Variants in ZFHX3 observed in about 807,000 individuals in gnomAD.
ZFHX3 encodes the protein zinc finger homeobox protein 3.
A neutral mutation model predicts 279.1 loss-of-function variants in ZFHX3; 42 were observed. That is an observed-to-expected ratio of 0.15 (90% CI 0.12 to 0.19). ZFHX3 has a LOEUF of 0.19. Ranked by LOEUF, ZFHX3 falls within the 10% of genes least tolerant of loss-of-function variation. ZFHX3 has a pLI of 1.00. For synonymous variants in ZFHX3, 2,293 were observed against 1,957.8 expected (o/e 1.17, Z -4.52); for missense variants, 4,981 against 4,754.0 (o/e 1.05, Z -1.40).
At chr16:73,846,730 G>C (rs573611795) in intron 1 of ZFHX3, among the ~76,000 whole-genome samples, 2 of 152,132 alleles carry the variant, frequency 1.3e-5, no homozygotes, top group East Asian at 1.9e-4. Context: ...CATTCTCAGA[G>C]GCAAATCTTT....
intron 4 of ZFHX3, among the ~76,000 whole-genome samples, chr16:72,832,484 T>C (rs933315694): frequency 1.3e-5 from 2 of 152,178 alleles, no homozygotes; most frequent in African/African-American, 4.8e-5. Context: ...TTATTTTGCT[T>C]ATCTCTTTTT....
At chr16:73,053,300 A>C (rs1231519480) in intron 1 of ZFHX3, among the ~76,000 whole-genome samples, 1 of 152,202 alleles carries the variant, frequency 6.6e-6, no homozygotes, top group Admixed American at 6.5e-5. Flanking sequence ...AAAAGGCAGG[A>C]AACGGGGAGA....
intron 2 of ZFHX3, among the ~76,000 whole-genome samples, chr16:73,483,128 C>T (rs937248476): frequency 2.0e-5 from 3 of 152,104 alleles, no homozygotes; most frequent in African/African-American, 7.2e-5. Flanking sequence ...TGTGGATCAG[C>T]TTAGGGTCTG....
At chr16:73,377,539 A>G (rs1398253358) in intron 3 of ZFHX3, among the ~76,000 whole-genome samples, 4 of 152,210 alleles carry the variant, frequency 2.6e-5, no homozygotes, top group African/African-American at 9.6e-5. Flanking sequence ...GATGAGCACC[A>G]CTGTCTCTGC....
At chr16:73,479,595 C>T (rs1221658011) in intron 2 of ZFHX3, among the ~76,000 whole-genome samples, 3 of 152,202 alleles carry the variant, frequency 2.0e-5, no homozygotes, top group African/African-American at 7.2e-5. Context: ...ACGCCTGCCT[C>T]CTTCAACCTG....
chr16:73,392,259 A>C (rs1195244781), intron 3 of ZFHX3, among the ~76,000 whole-genome samples: 5 of 151,734 alleles, frequency 3.3e-5, no homozygotes, highest in Non-Finnish European at 5.9e-5. Flanking sequence ...ATCTCTACCC[A>C]AAAACACAAA....
intron 4 of ZFHX3, among the ~76,000 whole-genome samples, chr16:72,876,159 G>T (rs773152667): frequency 1.3e-5 from 2 of 152,092 alleles, no homozygotes; most frequent in South Asian, 2.1e-4. Context: ...CAGAGGTTTT[G>T]GCCTAAAGCA....
intron 5 of ZFHX3, among the ~76,000 whole-genome samples, chr16:72,815,405 C>CAAAA (rs369741126): frequency 1.1e-5 from 1 of 93,066 alleles, no homozygotes. Context: ...GAGACTGTCT[C>CAAAA]AAAAAAAAAA....
intron 1 of ZFHX3, among the ~76,000 whole-genome samples, chr16:73,035,667 C>T (rs142142380): frequency 0.034 from 5,233 of 152,336 alleles, 299 homozygotes; most frequent in African/African-American, 0.12. Context: ...AGGTGGATCA[C>T]TTGAGCTCAG....
At chr16:73,819,146 G>A (rs543642666) in intron 1 of ZFHX3, among the ~76,000 whole-genome samples, 3 of 152,142 alleles carry the variant, frequency 2.0e-5, no homozygotes, top group African/African-American at 4.8e-5. Context: ...AGCAATGTCT[G>A]AGATTCCCTT....
At chr16:73,494,721 G>A (rs1051941911) in intron 2 of ZFHX3, among the ~76,000 whole-genome samples, 22 of 140,346 alleles carry the variant, frequency 1.6e-4, no homozygotes, top group Middle Eastern at 3.6e-3. Flanking sequence ...CACCATGACC[G>A]GCTAATTTTT....
intron 1 of ZFHX3, among the ~76,000 whole-genome samples, chr16:73,706,412 C>T (rs2053304488): frequency 6.7e-6 from 1 of 148,822 alleles, no homozygotes; most frequent in Non-Finnish European, 1.5e-5. Flanking sequence ...GCCTAGATCG[C>T]ACCACTGCAC....
Position 72,959,735 on chromosome 16 carries a change from C to T in ZFHX3, c.411G>A (p.Pro137=), listed in dbSNP as rs137934602. The change falls in exon 2 of 10, where the codon CCG becomes CCA. Residue 137 remains proline (P), a synonymous_variant. Transcript: ENST00000268489. ...TCTCCACAATGTACGCGGAGCCGTC[C>T]GGCTGGTAGACGATCTCCCCGGCCA... ...ENLAGEIVYQ[P]DGSAYIVESL... The T allele has an allele frequency of 2.1e-4, 332 of 1,612,520 alleles. 2 individuals are homozygous for T. The highest frequency in any genetic ancestry group is 2.6e-4 in the Non-Finnish European group (310 of 1,179,102).
chr16:73,568,688 T>C (rs1294535187), intron 2 of ZFHX3, among the ~76,000 whole-genome samples: 5 of 152,204 alleles, frequency 3.3e-5, no homozygotes, highest in Admixed American at 2.6e-4. Flanking sequence ...GTCATTGCCA[T>C]TGTGCGAGGC....
At chr16:73,394,833 A>G (rs2017094854) in intron 3 of ZFHX3, among the ~76,000 whole-genome samples, 1 of 152,184 alleles carries the variant, frequency 6.6e-6, no homozygotes, top group South Asian at 2.1e-4. Context: ...CATCTTACAT[A>G]TACCATATTA....
intron 1 of ZFHX3, among the ~76,000 whole-genome samples, chr16:73,838,734 G>A (rs543901373): frequency 6.7e-6 from 1 of 150,218 alleles, no homozygotes; most frequent in South Asian, 2.1e-4. Context: ...CTGCTACTGT[G>A]TGTGTGTGCG....
chr16:73,436,052 C>T (rs536765280), intron 3 of ZFHX3, among the ~76,000 whole-genome samples: 15 of 152,160 alleles, frequency 9.9e-5, no homozygotes, highest in South Asian at 2.1e-4. Flanking sequence ...AGAGGTAGCC[C>T]GGCGCGGTGG....
intron 1 of ZFHX3, among the ~76,000 whole-genome samples, chr16:73,698,839 C>G (rs28808594): frequency 0.037 from 5,552 of 150,264 alleles, 330 homozygotes; most frequent in African/African-American, 0.13. Context: ...TGGAAAAAAC[C>G]AATGCAATTC....
intron 1 of ZFHX3, among the ~76,000 whole-genome samples, chr16:72,969,403 C>G (rs1962000319): frequency 6.6e-6 from 1 of 152,058 alleles, no homozygotes; most frequent in African/African-American, 2.4e-5. Flanking sequence ...CCCCGTGACA[C>G]TCATGATCCT....
Sources: allele counts gnomAD v4.1 joint callset (sites outside exome capture counted in the v4.1 genomes callset), GRCh38; gene constraint gnomAD v4.1.1; transcripts MANE v1.5; gene names NCBI Gene and HGNC (gene_info 2026-07-23, HGNC 2026-07-21).